The following XKR6 variants were observed in gnomAD, a reference collection of about 807,000 sequenced individuals.
XKR6 encodes the protein XK related 6.
Under a neutral mutation model 56.7 loss-of-function variants are expected in XKR6, and 22 were observed. That is an observed-to-expected ratio of 0.39 (90% CI 0.28 to 0.55). The LOEUF (loss-of-function observed/expected upper bound fraction) is 0.55, where lower values mean the gene tolerates loss of function less well. Ranked by LOEUF, XKR6 falls within the 20% of genes least tolerant of loss-of-function variation. XKR6 has a pLI of 0.66. For synonymous variants in XKR6, 524 were observed against 387.8 expected (o/e 1.35, Z -4.13); for missense variants, 852 against 889.0 (o/e 0.96, Z 0.53).
intron 1 of XKR6, among the ~76,000 whole-genome samples, chr8:11,166,486 C>T (rs200842131): frequency 8.6e-5 from 13 of 152,020 alleles, no homozygotes; most frequent in South Asian, 4.2e-4. Flanking sequence ...GTTATAGCAG[C>T]CGTGATGGAC....
rs185185943 is a variant in XKR6 at position 10,986,572 on chromosome 8, T to C, written c.765-61742A>G. On this transcript the variant is annotated intron_variant, in intron 1 of 2. Transcript: ENST00000416569. The stretch of plus-strand genomic sequence containing the variant: ...CAGCAATAGTAGATTTTGGTAGTTT[T>C]TGAGCAAGAAAAAAGTGTGTGGGAG... Among the ~76,000 whole-genome samples the C allele has an allele frequency of 3.3e-3, 502 of 152,324 alleles. 1 individual carries two copies. The highest frequency in any genetic ancestry group is 5.3e-3 in the Non-Finnish European group (361 of 68,038).
At chr8:11,195,003 T>G in intron 1 of XKR6, 1 of 586,950 alleles carries the variant, frequency 1.7e-6, no homozygotes, top group Non-Finnish European at 3.0e-6. Context: ...TACTGTTCAC[T>G]CAAAAACAAG....
intron 1 of XKR6, among the ~76,000 whole-genome samples, chr8:11,150,985 G>GC (rs1285248727): frequency 2.0e-5 from 3 of 150,412 alleles, no homozygotes; most frequent in Non-Finnish European, 4.4e-5. Context: ...GCTATTTTGT[G>GC]CTATCTTTCC....
At chr8:11,165,637 G>T (rs569624376) in intron 1 of XKR6, among the ~76,000 whole-genome samples, 1 of 152,218 alleles carries the variant, frequency 6.6e-6, no homozygotes, top group East Asian at 1.9e-4. Flanking sequence ...CAAAATAAAT[G>T]CAGTGTATTA....
At chr8:11,107,582 C>T (rs960390390) in intron 1 of XKR6, among the ~76,000 whole-genome samples, 4 of 152,142 alleles carry the variant, frequency 2.6e-5, no homozygotes, top group Non-Finnish European at 4.4e-5. Context: ...GATCTGGGCA[C>T]GGATCCACTC....
chr8:10,969,062 G>A (rs1802318074), intron 1 of XKR6, among the ~76,000 whole-genome samples: 1 of 152,222 alleles, frequency 6.6e-6, no homozygotes, highest in African/African-American at 2.4e-5. Context: ...TCCTAAACTT[G>A]AGTGCGCCAG....
chr8:11,005,208 A>C (rs1798338204), intron 1 of XKR6, among the ~76,000 whole-genome samples: 1 of 152,184 alleles, frequency 6.6e-6, no homozygotes, highest in Non-Finnish European at 1.5e-5. Flanking sequence ...AGAATGACGC[A>C]AGATTTCATC....
In XKR6 at chr8:11,035,315, T is replaced by G. The variant is rs1174996184; in HGVS notation, c.765-110485A>C. 7.5e-6 allele frequency: 4 copies of G among 534,666 alleles called. No homozygotes were observed. In the African/African-American group the frequency reaches 7.7e-5, roughly 10 times the overall value. 33.1% of individuals were successfully genotyped at this position (534,666 alleles called of 1,614,324 possible). A position where few individuals can be genotyped will look rare whatever the true frequency, so the allele number is the denominator to read the frequency against. On this transcript the variant is annotated intron_variant, in intron 1 of 2. Coordinates refer to ENST00000416569, the MANE Select transcript of XKR6 (RefSeq NM_173683.4). ...AGCATCATCAAGCCATCTTCCTGCG[T>G]TGTGGCAGCTTGGGCCCCCACTGGC...
chr8:11,100,901 T>A (rs1041123094), intron 1 of XKR6, among the ~76,000 whole-genome samples: 2 of 152,166 alleles, frequency 1.3e-5, no homozygotes, highest in African/African-American at 4.8e-5. Context: ...TATGGGAAGG[T>A]GCTGCCGGGG....
intron 1 of XKR6, among the ~76,000 whole-genome samples, chr8:11,092,175 T>C (rs1258787052): frequency 6.6e-6 from 1 of 152,212 alleles, no homozygotes; most frequent in Admixed American, 6.5e-5. Context: ...CTTAAAACTT[T>C]CAGGTTTGCG....
chr8:11,112,473 A>G (rs1379547993), intron 1 of XKR6, among the ~76,000 whole-genome samples: 1 of 152,238 alleles, frequency 6.6e-6, no homozygotes, highest in Non-Finnish European at 1.5e-5. Context: ...TAAAAACATC[A>G]GTATTATTTC....
At chr8:11,009,326 C>A (rs1290476756) in intron 1 of XKR6, among the ~76,000 whole-genome samples, 2 of 152,090 alleles carry the variant, frequency 1.3e-5, no homozygotes, top group Non-Finnish European at 2.9e-5. Context: ...GCCTGGGTAA[C>A]ATGGAGAGAC....
intron 1 of XKR6, among the ~76,000 whole-genome samples, chr8:11,099,456 G>C (rs1311877270): frequency 6.6e-6 from 1 of 152,248 alleles, no homozygotes; most frequent in Non-Finnish European, 1.5e-5. Context: ...GAGAGAAGGG[G>C]CTGGAGGCAG....
chr8:10,945,528 C>T (rs1801508893), intron 1 of XKR6, among the ~76,000 whole-genome samples: 1 of 152,274 alleles, frequency 6.6e-6, no homozygotes, highest in Non-Finnish European at 1.5e-5. Flanking sequence ...CCTTGGCAAA[C>T]CCATGTATTG....
intron 1 of XKR6, among the ~76,000 whole-genome samples, chr8:11,148,192 AG>A (rs1418485091): frequency 1.3e-5 from 2 of 152,222 alleles, no homozygotes; most frequent in Non-Finnish European, 2.9e-5. Context: ...CCTGGGCGAC[AG>A]AGCAAGACCC....
At chr8:11,013,003 C>T (rs1798535056) in intron 1 of XKR6, among the ~76,000 whole-genome samples, 1 of 152,146 alleles carries the variant, frequency 6.6e-6, no homozygotes, top group African/African-American at 2.4e-5. Flanking sequence ...TGCCTGTAGA[C>T]ATGCCTTATC....
At chr8:11,050,140 C>G (rs1043447093) in intron 1 of XKR6, among the ~76,000 whole-genome samples, 1 of 152,188 alleles carries the variant, frequency 6.6e-6, no homozygotes, top group Non-Finnish European at 1.5e-5. Context: ...CTCCCAGGGC[C>G]GGTGCTGTTG....
intron 1 of XKR6, among the ~76,000 whole-genome samples, chr8:11,089,114 C>T (rs1291812045): frequency 1.3e-5 from 2 of 152,086 alleles, no homozygotes; most frequent in East Asian, 1.9e-4. Flanking sequence ...TGGGACCCTA[C>T]GGCTGGAACA....
At chr8:10,972,864 T>C (rs898895445) in intron 1 of XKR6, among the ~76,000 whole-genome samples, 5 of 152,222 alleles carry the variant, frequency 3.3e-5, no homozygotes, top group African/African-American at 1.2e-4. Context: ...AATGGTCAAT[T>C]TTATACTGTG....
Sources: gnomAD v4.1 joint callset for allele counts (sites outside exome capture counted in the v4.1 genomes callset) on GRCh38, gnomAD v4.1.1 for gene constraint, MANE v1.5 for transcripts, NCBI Gene and HGNC (gene_info 2026-07-23, HGNC 2026-07-21) for gene names.